Variants in CFAP92 observed in about 807,000 individuals in gnomAD.
CFAP92 encodes the protein uncharacterized protein CFAP92.
A neutral mutation model predicts 106.3 loss-of-function variants in CFAP92; 86 were observed. The observed-to-expected ratio is 0.81, with a 90% CI of 0.68 to 0.97. The LOEUF (loss-of-function observed/expected upper bound fraction) is 0.97. Among genes scored for constraint, CFAP92 ranks in the 50% least tolerant of loss-of-function variants. The pLI is 0.00. For missense variants in CFAP92, 1,204 were observed against 1,283.8 expected (o/e 0.94, Z 0.95); for synonymous variants, 477 against 506.4 (o/e 0.94, Z 0.78).
At chr3:128,942,062 C>T (rs1013123181) in intron 10 of CFAP92, among the ~76,000 whole-genome samples, 9 of 152,182 alleles carry the variant, frequency 5.9e-5, no homozygotes, top group African/African-American at 1.4e-4. Context: ...TTTGAGGGCA[C>T]AGTCCCCAAG....
At chr3:128,920,108 G>A (rs750534472) in intron 12 of CFAP92, among the ~76,000 whole-genome samples, 8 of 152,206 alleles carry the variant, frequency 5.3e-5, no homozygotes, top group Non-Finnish European at 1.0e-4. Context: ...TATCAGACAA[G>A]AACATTAAAA....
At chr3:129,003,790 G>A (rs919866948), upstream of CFAP92, 1 of 1,443,842 alleles carries the variant, frequency 6.9e-7, no homozygotes, top group Non-Finnish European at 9.1e-7. Flanking sequence ...CCCTGTCCCC[G>A]CAGGTCGGAC....
intron 3 of CFAP92, among the ~76,000 whole-genome samples, 159 bp from the exon 4 acceptor site, chr3:128,987,988 G>A (rs990827042): frequency 2.0e-5 from 3 of 152,172 alleles, no homozygotes; most frequent in African/African-American, 4.8e-5. Flanking sequence ...AAAATGGGGC[G>A]TTGTGTGCTG....
At chr3:128,994,842 TCTGGGGGGTGACTAGG>T (rs1944421339), upstream of CFAP92, among the ~76,000 whole-genome samples, 1 of 152,012 alleles carries the variant, frequency 6.6e-6, no homozygotes, top group South Asian at 2.1e-4. Flanking sequence ...CAACGCCAAA[TCTGGGGGGTGACTAGG>T]CAGAGGCGGT....
chr3:128,993,442 C>A, intron 1 of CFAP92, 106 bp from the exon 2 acceptor site: 1 of 1,195,220 alleles, frequency 8.4e-7, no homozygotes, highest in African/African-American at 1.5e-5. Context: ...CCCTGCTTCC[C>A]CCGCCTGCTC....
chr3:128,944,504 A>G (rs1429926467), intron 10 of CFAP92, among the ~76,000 whole-genome samples: 1 of 152,100 alleles, frequency 6.6e-6, no homozygotes, highest in Non-Finnish European at 1.5e-5. Context: ...CCTCCAGACT[A>G]AAGGACGGAG....
At chr3:128,974,584 G>T (rs939621259) in intron 7 of CFAP92, among the ~76,000 whole-genome samples, 4 of 152,080 alleles carry the variant, frequency 2.6e-5, no homozygotes, top group Non-Finnish European at 4.4e-5. Flanking sequence ...ACTTTGGGAG[G>T]CTGAGGCAGG....
chr3:128,943,521 T>C (rs1377453852), intron 10 of CFAP92, among the ~76,000 whole-genome samples: 1 of 152,068 alleles, frequency 6.6e-6, no homozygotes, highest in East Asian at 1.9e-4. Flanking sequence ...GAGATATGTG[T>C]ATCAGTATTT....
At chr3:129,004,108 T>C, upstream of CFAP92, 2 of 1,460,314 alleles carry the variant, frequency 1.4e-6, no homozygotes, top group African/African-American at 1.5e-5. Context: ...TGGGCCCAAG[T>C]TCCCCAATTC....
rs182749855 is a variant in CFAP92 at position 128,993,462 on chromosome 3, C to T, written c.-32-126G>A. The T allele has an allele frequency of 2.2e-4, 208 of 936,452 alleles. No homozygotes were observed. In the East Asian group the frequency reaches 4.2e-3, roughly 19 times the overall value. 58.0% of individuals were successfully genotyped at this position (936,452 alleles called of 1,614,324 possible). Reference sequence around the variant, plus strand: ...CTTCCCCCGCCTGCTCCTAGATGAACGCCGGGGCTCCTTCACTGCCTGCCA... The same window carrying T: ...CTTCCCCCGCCTGCTCCTAGATGAATGCCGGGGCTCCTTCACTGCCTGCCA... On this transcript the variant is annotated intron_variant, in intron 1 of 15. Transcript: ENST00000645291.
At chr3:128,928,395 C>T (rs1042810262) in intron 12 of CFAP92, among the ~76,000 whole-genome samples, 1 of 152,204 alleles carries the variant, frequency 6.6e-6, no homozygotes, top group Non-Finnish European at 1.5e-5. Flanking sequence ...AGTTAAAGGA[C>T]TTACACAATC....
intron 4 of CFAP92, among the ~76,000 whole-genome samples, chr3:128,985,398 A>C (rs1943788548): frequency 6.6e-6 from 1 of 152,198 alleles, no homozygotes; most frequent in South Asian, 2.1e-4. Flanking sequence ...CCAGGAGCTC[A>C]AAGCTGCAGT....
At chr3:129,017,531 C>G in the CFAP92 span, among the ~76,000 whole-genome samples, 4 of 152,230 alleles carry the variant, frequency 2.6e-5, no homozygotes, top group Non-Finnish European at 4.4e-5. Context: ...AATCCAGCTC[C>G]TTTTGGCCGT....
chr3:128,993,742 C>T, intron 1 of CFAP92: 1 of 290,646 alleles, frequency 3.4e-6, no homozygotes. Flanking sequence ...GCAAACCAGG[C>T]CGGGGGCAGC....
At chr3:128,956,196 T>TAAAAAAATAAA (rs1941373507) in intron 9 of CFAP92, among the ~76,000 whole-genome samples, 1 of 61,716 alleles carries the variant, frequency 1.6e-5, no homozygotes, top group African/African-American at 9.2e-5. Flanking sequence ...AAAAAAAAAA[T>TAAAAAAATAAA]AAAAAAAAAA....
chr3:128,968,889 C>T, intron 8 of CFAP92: 1 of 158,780 alleles, frequency 6.3e-6, no homozygotes, highest in Non-Finnish European at 1.4e-5. Flanking sequence ...AGGTGGATCA[C>T]TGTCAGGCCT....
rs1944320707 is a variant in CFAP92, at chr3:128,993,113, A to G, written c.192T>C (p.Thr64=). 6.8e-6 allele frequency: 11 copies of G among 1,613,964 alleles called. No individual in the cohort carries two copies. The highest frequency in any genetic ancestry group is 1.3e-5 in the African/African-American group (1 of 74,946). Residue 64 remains threonine, a synonymous_variant, in exon 2 of 16, where the codon ACT becomes ACC. Transcript: ENST00000645291. ...SIESSSEPAS[T]FSSDVPHVVP... ...CCACGTGGGGCACGTCGGAGCTGAAAGTGCTGGCAGGCTCAGATGAGGACT... is the reference window on the plus strand; with the variant it reads ...CCACGTGGGGCACGTCGGAGCTGAAGGTGCTGGCAGGCTCAGATGAGGACT...
At chr3:129,003,755 G>A, upstream of CFAP92, 1 of 1,352,602 alleles carries the variant, frequency 7.4e-7, no homozygotes, top group Non-Finnish European at 9.5e-7. Flanking sequence ...CATCTGGCTG[G>A]GGCACTTACC....
intron 10 of CFAP92, among the ~76,000 whole-genome samples, chr3:128,942,599 C>T (rs1175727837): frequency 1.3e-5 from 2 of 152,214 alleles, no homozygotes; most frequent in East Asian, 1.9e-4. Flanking sequence ...TGACTCAGAT[C>T]GCCTCCCAGG....
Sources: gnomAD v4.1 joint callset for allele counts (sites outside exome capture counted in the v4.1 genomes callset) on GRCh38, gnomAD v4.1.1 for gene constraint, MANE v1.5 for transcripts, NCBI Gene and HGNC (gene_info 2026-07-23, HGNC 2026-07-21) for gene names.